Variants in ASXL1 observed in about 807,000 individuals in gnomAD.
ASXL1 encodes the protein ASXL transcriptional regulator 1.
ASXL1 carries 65 observed loss-of-function variants against 89.1 expected under a neutral mutation model. That is an observed-to-expected ratio of 0.73 (90% CI 0.60 to 0.90). The LOEUF is 0.90. Ranked by LOEUF, ASXL1 falls within the 40% of genes least tolerant of loss-of-function variation. The pLI is 0.00. For missense variants in ASXL1, 1,786 were observed against 1,942.9 expected (o/e 0.92, Z 1.52); for synonymous variants, 739 against 746.9 (o/e 0.99, Z 0.17).
At chr20:32,408,630 G>A (rs1274835938) in intron 4 of ASXL1, among the ~76,000 whole-genome samples, 1 of 152,106 alleles carries the variant, frequency 6.6e-6, no homozygotes, top group African/African-American at 2.4e-5. Context: ...CTAGCTTACT[G>A]CATCCTAAAA....
At chr20:32,419,322 C>T (rs1394831526) in intron 4 of ASXL1, among the ~76,000 whole-genome samples, 2 of 152,052 alleles carry the variant, frequency 1.3e-5, no homozygotes, top group African/African-American at 4.8e-5. Flanking sequence ...CCCACCTCAG[C>T]CTCCCGAGTA....
intron 1 of ASXL1, among the ~76,000 whole-genome samples, chr20:32,362,362 C>T (rs1453136794): frequency 2.0e-5 from 3 of 152,190 alleles, no homozygotes; most frequent in Non-Finnish European, 1.5e-5. Context: ...GTAGGCTGTG[C>T]GCGGTGGCTC....
chr20:32,382,757 GC>G (rs771015944), intron 4 of ASXL1, among the ~76,000 whole-genome samples: 2 of 152,208 alleles, frequency 1.3e-5, no homozygotes, highest in East Asian at 3.9e-4. Flanking sequence ...CTGCACTCCA[GC>G]CTGGGCAACA....
rs2048863321 is a variant in ASXL1 at position 32,401,081 on chromosome 20, A to G, written c.253-27047A>G. On this transcript the variant is annotated intron_variant, in intron 4 of 12. Coordinates refer to ENST00000375687, the MANE Select transcript of ASXL1 (RefSeq NM_015338.6). ...TCTTTCACCCACTTCCCCCATGATAACATTTTACATAACCATAGTATAGTT... is the reference window on the plus strand; with the variant it reads ...TCTTTCACCCACTTCCCCCATGATAGCATTTTACATAACCATAGTATAGTT... Among the ~76,000 whole-genome samples the G allele has an allele frequency of 2.0e-5, 3 of 152,176 alleles. No homozygotes were observed. In the South Asian group the frequency reaches 6.2e-4, roughly 31 times the overall value.
intron 4 of ASXL1, among the ~76,000 whole-genome samples, chr20:32,379,534 AAG>A (rs1316201799): frequency 6.6e-6 from 1 of 151,356 alleles, no homozygotes; most frequent in Non-Finnish European, 1.5e-5. Flanking sequence ...GTTGTTACAT[AAG>A]ATGTCACGGC....
intron 4 of ASXL1, among the ~76,000 whole-genome samples, chr20:32,416,110 G>A (rs1276057901): frequency 2.0e-5 from 3 of 151,984 alleles, no homozygotes; most frequent in Non-Finnish European, 4.4e-5. Context: ...TGTATTTTGG[G>A]GGTACAGGTG....
At chr20:32,373,142 C>A (rs1020223987) in intron 4 of ASXL1, among the ~76,000 whole-genome samples, 11 of 148,706 alleles carry the variant, frequency 7.4e-5, no homozygotes, top group Admixed American at 7.4e-4. Context: ...TTTGGGAGGC[C>A]GAGGTGGGTG....
At position 32,435,650 on chromosome 20, in the gene ASXL1, A is replaced by G. The variant is rs765264117; in HGVS notation, c.2938A>G (p.Ile980Val). Reference sequence around the variant, plus strand: ...TGGCAGTTACTGTCAACAGGTGGACATTGAAAAGCTGAAAATCAACGGAGA... The same window carrying G: ...TGGCAGTTACTGTCAACAGGTGGACGTTGAAAAGCTGAAAATCAACGGAGA... ...SNGSYCQQVDIEKLKINGDSE... is the reference protein window; with the variant it reads ...SNGSYCQQVDVEKLKINGDSE... Residue 980 changes from isoleucine (I) to valine (V), a missense_variant, in exon 13 of 13, where the codon ATT becomes GTT. By Grantham distance (29) the Ile-to-Val change is conservative (BLOSUM62 3). This residue lies in a region of ASXL1 where 1,418 missense variants were observed against 1,427.8 expected (regional missense o/e 0.99). Coordinates refer to ENST00000375687, the MANE Select transcript of ASXL1 (RefSeq NM_015338.6). 4 of 1,614,084 alleles carry G rather than the reference A, an allele frequency of 2.5e-6. No homozygotes were observed. In the African/African-American group the frequency reaches 4.0e-5, roughly 16 times the overall value.
At chr20:32,399,747 CTTTTTTTTTTTTTTT>C (rs369127811) in intron 4 of ASXL1, among the ~76,000 whole-genome samples, 5 of 73,878 alleles carry the variant, frequency 6.8e-5, no homozygotes, top group African/African-American at 1.4e-4. Context: ...ATATTTTACT[CTTTTTTTTTTTTTTT>C]TTTTTTTTTT....
intron 1 of ASXL1, 41 bp downstream of exon 1, chr20:32,358,873 T>TG (rs781330454): frequency 1.9e-3 from 1,161 of 610,814 alleles, no homozygotes; most frequent in African/African-American, 3.1e-3. Flanking sequence ...GGGCCCGGGG[T>TG]GGGGGGGGCT....
rs747267907 is a variant in ASXL1, at chr20:32,436,622, C to G, written c.3910C>G (p.Leu1304Val). Residue 1304 changes from leucine to valine, a missense_variant, in exon 13 of 13, where the codon CTT becomes GTT. Physicochemically the swap from Leu to Val is conservative, Grantham distance 32 (BLOSUM62 1). Around this residue, in one of 3 missense-constraint regions of ASXL1, gnomAD observed 1,418 missense variants for 1,427.8 expected, o/e 0.99. Transcript: ENST00000375687. Reference protein sequence around the residue: ...QSNVTGQGKKLFGSGNVAATL... With the variant: ...QSNVTGQGKKVFGSGNVAATL... ...CAATGTTACAGGCCAAGGGAAGAAGCTTTTTGGCTCTGGGAATGTGGCTGC... is the reference window on the plus strand; with the variant it reads ...CAATGTTACAGGCCAAGGGAAGAAGGTTTTTGGCTCTGGGAATGTGGCTGC... 1.6e-4 allele frequency: 251 copies of G among 1,614,030 alleles called. No individual in the cohort carries two copies. The highest frequency in any genetic ancestry group is 9.0e-4 in the Admixed American group (54 of 60,014).
rs2145363700 is a variant in ASXL1, at chr20:32,434,840, G to A, written c.2128G>A (p.Gly710Arg). ...TCTAAATGGGGAGCATACCCAGGCC[G>A]GAACTGCCATGTCCAGAGCTAGGAG... is the stretch of plus-strand genomic sequence containing the variant. Reference protein sequence around the residue: ...YPLNGEHTQAGTAMSRARRED... With the variant: ...YPLNGEHTQARTAMSRARRED... The change falls in exon 13 of 13, where the codon GGA becomes AGA. Residue 710 changes from glycine (G) to arginine (R), a missense_variant. Coordinates refer to ENST00000375687, the MANE Select transcript of ASXL1 (RefSeq NM_015338.6). 4.3e-6 allele frequency: 7 copies of A among 1,614,098 alleles called. No homozygotes were observed. Among genetic ancestry groups the A allele is most frequent in the South Asian group, 1.1e-5 (1 of 91,074 alleles).
chr20:32,389,588 G>A (rs563301532), intron 4 of ASXL1, among the ~76,000 whole-genome samples: 8 of 151,914 alleles, frequency 5.3e-5, no homozygotes, highest in South Asian at 2.1e-4. Context: ...CCCCTGCCCC[G>A]CCTTTTTCTT....
chr20:32,435,396 C>G lies in ASXL1; in HGVS notation c.2684C>G (p.Ser895Cys), dbSNP rs767583580. The G allele has an allele frequency of 5.0e-6, 8 of 1,614,050 alleles. No individual in the cohort carries two copies. The highest frequency in any genetic ancestry group is 2.2e-5 in the East Asian group (1 of 44,900). ...LKTKALVSNS[S>C]LHWIPIPSND... ...ACCAAGGCTCTCGTTTCTAACAGTT[C>G]TTTGCATTGGATACCCATCCCATCG... The change falls in exon 13 of 13, where the codon TCT becomes TGT. Residue 895 changes from serine (S) to cysteine (C), a missense_variant. Around this residue, in one of 3 missense-constraint regions of ASXL1, gnomAD observed 1,418 missense variants for 1,427.8 expected, o/e 0.99. Coordinates refer to ENST00000375687, the MANE Select transcript of ASXL1 (RefSeq NM_015338.6).
At chr20:32,423,551 T>G (rs986282076) in intron 4 of ASXL1, among the ~76,000 whole-genome samples, 3 of 151,584 alleles carry the variant, frequency 2.0e-5, no homozygotes, top group Non-Finnish European at 4.4e-5. Context: ...TTTTATTTAT[T>G]TATTTATTTA....
In ASXL1 at chr20:32,367,295, G is replaced by A. The variant is rs545553312; in HGVS notation, c.141-432G>A. Reference sequence around the variant, plus strand: ...CTTGGGAGGCGGAGGCTGGAGAATCGCTTGAACTCAGGAGACGGAGGTTGC... The same window carrying A: ...CTTGGGAGGCGGAGGCTGGAGAATCACTTGAACTCAGGAGACGGAGGTTGC... On this transcript the variant is annotated intron_variant, in intron 2 of 12. Coordinates refer to ENST00000375687, the MANE Select transcript of ASXL1 (RefSeq NM_015338.6). Among the ~76,000 whole-genome samples, 30 of 152,234 alleles carry A rather than the reference G, an allele frequency of 2.0e-4. No homozygotes were observed. The South Asian group carries it at 2.7e-3, about 14-fold the overall frequency.
At position 32,434,910 on chromosome 20, in the gene ASXL1, A is replaced by G; in HGVS notation, c.2198A>G (p.Gln733Arg). The change falls in exon 13 of 13, where the codon CAG (glutamine) becomes CGG (arginine). Residue 733 changes from glutamine to arginine, a missense_variant. Physicochemically the swap from Gln to Arg is conservative, Grantham distance 43 (BLOSUM62 1). This residue lies in a region of ASXL1 where 1,418 missense variants were observed against 1,427.8 expected (regional missense o/e 0.99). Coordinates refer to ENST00000375687, the MANE Select transcript of ASXL1 (RefSeq NM_015338.6). The stretch of plus-strand genomic sequence containing the variant: ...AGAAAGGAGGAAAGCTGCCTACTAC[A>G]GAGGGCTACAGTTGGACTCACAGAT... ...SLRKEESCLL[Q>R]RATVGLTDGL... 6.2e-7 allele frequency: 1 copy of G among 1,614,216 alleles called. No individual in the cohort carries two copies.
At position 32,435,682 on chromosome 20, in the gene ASXL1, A is replaced by G. The variant is rs576586676; in HGVS notation, c.2970A>G (p.Glu990=). The G allele has an allele frequency of 6.2e-7, 1 of 1,614,170 alleles. No individual in the cohort carries two copies. Among genetic ancestry groups the G allele is most frequent in the East Asian group, 2.2e-5 (1 of 44,888 alleles). The change falls in exon 13 of 13, where the codon GAA becomes GAG. Residue 990 remains glutamate, a synonymous_variant. Coordinates refer to ENST00000375687, the MANE Select transcript of ASXL1 (RefSeq NM_015338.6). The stretch of plus-strand genomic sequence containing the variant: ...AGCTGAAAATCAACGGAGACTCTGA[A>G]GCACTGAGTCCTCACGGTGAGTCCA... ...IEKLKINGDS[E]ALSPHGESTD...
chr20:32,433,788 G>A lies in ASXL1; in HGVS notation c.1590G>A (p.Ala530=), dbSNP rs150727649. 39 of 1,614,052 alleles carry A rather than the reference G, an allele frequency of 2.4e-5. No homozygotes were observed. Among genetic ancestry groups the A allele is most frequent in the Admixed American group, 1.5e-4 (9 of 59,996 alleles). ...KDQKRKSFEQ[A]ASASFPEKKP... is the part of the protein sequence containing the mutation. ...AGAAGAGGAAATCCTTTGAGCAGGC[G>A]GCCTCTGCATCCTTTCCCGAAAAGA... Residue 530 remains alanine (A), a synonymous_variant, in exon 12 of 13, where the codon GCG becomes GCA. Coordinates refer to ENST00000375687, the MANE Select transcript of ASXL1 (RefSeq NM_015338.6).
Sources: allele counts gnomAD v4.1 joint callset (sites outside exome capture counted in the v4.1 genomes callset), GRCh38; gene constraint gnomAD v4.1.1; regional missense constraint gnomAD v4.1.1; transcripts MANE v1.5; gene names NCBI Gene and HGNC (gene_info 2026-07-23, HGNC 2026-07-21).